The following CCSER1 variants were observed in gnomAD, a reference collection of about 807,000 sequenced individuals.
CCSER1 encodes the protein serine-rich coiled-coil domain-containing protein 1.
CCSER1 carries 41 observed loss-of-function variants against 82.0 expected under a neutral mutation model. That is an observed-to-expected ratio of 0.50 (90% CI 0.39 to 0.65). CCSER1 has a LOEUF of 0.65. CCSER1 is among the 30% of genes least tolerant of loss of function. The probability of loss-of-function intolerance (pLI) is 0.00; values close to 1 mark genes in which losing one functional copy is unlikely to be tolerated. For missense variants in CCSER1, 1,119 were observed against 1,064.2 expected, an observed-to-expected ratio of 1.05 and a Z score of -0.72; for synonymous variants, 414 against 383.9, an observed-to-expected ratio of 1.08 and a Z score of -0.92.
In CCSER1 at chr4:90,894,169, A is replaced by T. The variant is rs1723361198; in HGVS notation, c.2095-29201A>T. ...TAAATAATGCACCAATTTAAAACGT[A>T]GAATAAATAACATAGTGAGACCAGA... On this transcript the variant is annotated intron_variant, in intron 8 of 10. Transcript: ENST00000509176. 1.3e-5 allele frequency among the ~76,000 whole-genome samples: 2 copies of T among 152,082 alleles called. 1 individual carries two copies. Among genetic ancestry groups the T allele is most frequent in the South Asian group, 4.1e-4 (2 of 4,836 alleles).
intron 9 of CCSER1, among the ~76,000 whole-genome samples, chr4:90,949,020 A>G (rs1732596897): frequency 1.3e-5 from 2 of 152,218 alleles, no homozygotes; most frequent in South Asian, 4.1e-4. Flanking sequence ...TTTTATGAGC[A>G]TAATGTATTT....
chr4:90,877,567 C>G (rs551373126), intron 8 of CCSER1, among the ~76,000 whole-genome samples: 24 of 152,092 alleles, frequency 1.6e-4, no homozygotes, highest in African/African-American at 5.5e-4. Flanking sequence ...AAATTGAGTT[C>G]ATTTTTAAAT....
intron 7 of CCSER1, among the ~76,000 whole-genome samples, chr4:90,741,974 C>A (rs1403377132): frequency 6.6e-6 from 1 of 152,102 alleles, no homozygotes; most frequent in Non-Finnish European, 1.5e-5. Flanking sequence ...TTAATTGACT[C>A]ATAGTTCCAT....
chr4:90,259,416 A>G (rs564356513), intron 1 of CCSER1, among the ~76,000 whole-genome samples: 1 of 152,242 alleles, frequency 6.6e-6, no homozygotes, highest in East Asian at 1.9e-4. Flanking sequence ...ATCAGTGAAC[A>G]GTGACAGTTT....
intron 1 of CCSER1, among the ~76,000 whole-genome samples, chr4:90,303,969 A>T (rs200228608): frequency 6.6e-6 from 1 of 152,052 alleles, no homozygotes. Context: ...AAACCAAACA[A>T]CCCCATCAAA....
At chr4:90,326,476 C>CAT (rs146556438) in intron 3 of CCSER1, among the ~76,000 whole-genome samples, 11,464 of 150,098 alleles carry the variant, frequency 0.076, 455 homozygotes, top group African/African-American at 0.087. Flanking sequence ...TCTGAAATTC[C>CAT]ATATATATAT....
chr4:90,651,009 A>G (rs896530427), intron 6 of CCSER1, among the ~76,000 whole-genome samples: 1 of 152,182 alleles, frequency 6.6e-6, no homozygotes, highest in Non-Finnish European at 1.5e-5. Context: ...GAAGTTATTT[A>G]ATGTCTTCAA....
chr4:90,711,962 G>A (rs1580091722), intron 6 of CCSER1, among the ~76,000 whole-genome samples: 1 of 151,740 alleles, frequency 6.6e-6, no homozygotes, highest in East Asian at 1.9e-4. Flanking sequence ...TCTGGTCATG[G>A]GCTTTTTTTG....
chr4:90,440,980 G>T (rs1759798164), intron 4 of CCSER1, among the ~76,000 whole-genome samples: 1 of 152,084 alleles, frequency 6.6e-6, no homozygotes, highest in South Asian at 2.1e-4. Flanking sequence ...AGATAGTAGG[G>T]TTAGAAAAGA....
At chr4:90,574,583 T>G (rs79335042) in intron 5 of CCSER1, among the ~76,000 whole-genome samples, 3,299 of 152,042 alleles carry the variant, frequency 0.022, 124 homozygotes, top group African/African-American at 0.07. Flanking sequence ...CACATTAATT[T>G]TTAAACTAAA....
intron 8 of CCSER1, among the ~76,000 whole-genome samples, chr4:90,853,337 A>G (rs1349623276): frequency 6.6e-6 from 1 of 152,126 alleles, no homozygotes; most frequent in East Asian, 1.9e-4. Flanking sequence ...AAAAACAAAA[A>G]TCTTTGGAAA....
At chr4:91,235,507 T>C (rs1282754499) in intron 10 of CCSER1, among the ~76,000 whole-genome samples, 1 of 152,180 alleles carries the variant, frequency 6.6e-6, no homozygotes, top group African/African-American at 2.4e-5. Context: ...ACAAAGTAAA[T>C]TTTATTTTGT....
chr4:91,142,574 T>C (rs186138837), intron 10 of CCSER1, among the ~76,000 whole-genome samples: 43 of 152,328 alleles, frequency 2.8e-4, no homozygotes, highest in African/African-American at 7.9e-4. Context: ...CTCAGTTTTC[T>C]TACAGGATTT....
Position 90,973,582 on chromosome 4 carries a change from A to G in CCSER1, c.2172+50135A>G, listed in dbSNP as rs1012409022. Among the ~76,000 whole-genome samples the G allele has an allele frequency of 2.0e-5, 3 of 151,764 alleles. 1 individual carries two copies. The highest frequency in any genetic ancestry group is 7.3e-5 in the African/African-American group (3 of 41,358). ...GGTGGGAATGTAAGTTGTTACTGCC[A>G]TTATGAAAAACAGTATGGAGATTCC... On this transcript the variant is annotated intron_variant, in intron 9 of 10. Transcript: ENST00000509176.
chr4:90,573,068 C>A (rs1296504941), intron 5 of CCSER1, among the ~76,000 whole-genome samples: 4 of 152,240 alleles, frequency 2.6e-5, no homozygotes, highest in Non-Finnish European at 2.9e-5. Flanking sequence ...GGGACTACAA[C>A]AGCAGGTGTG....
At chr4:91,178,311 T>A (rs1176096741) in intron 10 of CCSER1, among the ~76,000 whole-genome samples, 1 of 152,176 alleles carries the variant, frequency 6.6e-6, no homozygotes, top group Non-Finnish European at 1.5e-5. Flanking sequence ...GAGAGTTCTG[T>A]AGATGTCTAT....
At chr4:90,531,895 T>G (rs145138919) in intron 5 of CCSER1, among the ~76,000 whole-genome samples, 4 of 152,160 alleles carry the variant, frequency 2.6e-5, no homozygotes, top group Non-Finnish European at 5.9e-5. Flanking sequence ...CAACATACTT[T>G]CAACAGTTTG....
chr4:90,920,925 CATT>C (rs1728288792), intron 8 of CCSER1, among the ~76,000 whole-genome samples: 1 of 151,714 alleles, frequency 6.6e-6, no homozygotes, highest in Non-Finnish European at 1.5e-5. Context: ...AGACTTTAAT[CATT>C]ATATCAAATC....
chr4:90,888,509 A>G (rs1412866845), intron 8 of CCSER1, among the ~76,000 whole-genome samples: 4 of 152,080 alleles, frequency 2.6e-5, no homozygotes, highest in Non-Finnish European at 5.9e-5. Flanking sequence ...TTGTTTTTAT[A>G]TATAACAATT....
Sources: allele counts gnomAD v4.1 joint callset (sites outside exome capture counted in the v4.1 genomes callset), GRCh38; gene constraint gnomAD v4.1.1; transcripts MANE v1.5; gene names NCBI Gene and HGNC (gene_info 2026-07-23, HGNC 2026-07-21).